Variants in FERMT2 observed in about 807,000 individuals in gnomAD.
The protein encoded by FERMT2 is fermitin family homolog 2.
In FERMT2, 15 loss-of-function variants were observed where a neutral mutation model predicts 82.7. The ratio of observed to expected loss-of-function variants is 0.18; its 90% CI spans 0.12 to 0.28. The LOEUF is 0.28. Ranked by LOEUF, FERMT2 falls within the 10% of genes least tolerant of loss-of-function variation. FERMT2 has a pLI of 1.00. For missense variants in FERMT2, 645 were observed against 809.4 expected (o/e 0.80, Z 2.46); for synonymous variants, 274 against 271.5 (o/e 1.01, Z -0.09).
chr14:52,875,349 G>C lies in FERMT2; in HGVS notation c.972C>G (p.Ile324Met), dbSNP rs745369873. The C allele has an allele frequency of 6.3e-7, 1 of 1,593,660 alleles. No individual in the cohort carries two copies. Among genetic ancestry groups the C allele is most frequent in the South Asian group, 1.1e-5 (1 of 88,058 alleles). ...CTGATGTCATGATTGACAGCTTATT[G>C]ATATGATACTGAAACCAGAATTATT... Reference protein sequence around the residue: ...MMMFAALQYHINKLSIMTSEN... With the variant: ...MMMFAALQYHMNKLSIMTSEN... Residue 324 changes from isoleucine to methionine, a missense_variant, in exon 8 of 15, where the codon ATC becomes ATG. Transcript: ENST00000341590.
chr14:52,898,556 A>T (rs1887434555), intron 3 of FERMT2, among the ~76,000 whole-genome samples: 1 of 152,220 alleles, frequency 6.6e-6, no homozygotes, highest in Admixed American at 6.5e-5. Flanking sequence ...GTAAGATTTA[A>T]CATGTGAAGA....
Position 52,893,357 on chromosome 14 carries a change from CTTCT to C in FERMT2, c.458_461del (p.Lys153SerfsTer2). 6.2e-7 allele frequency: 1 copy of C among 1,612,720 alleles called. No homozygotes were observed. The highest frequency in any genetic ancestry group is 8.5e-7 in the Non-Finnish European group (1 of 1,179,182). ...CCTCATCTTCAGACTGGTCATCTAG[CTTCT>C]TCTTTTTTTTCTTTGTTGGATCTCT... is the stretch of plus-strand genomic sequence containing the variant. On this transcript the variant is annotated frameshift_variant, in exon 4 of 15. Coordinates refer to ENST00000341590, the MANE Select transcript of FERMT2 (RefSeq NM_006832.3). LOFTEE classifies it high-confidence loss of function.
chr14:52,931,466 G>A (rs943261949), intron 2 of FERMT2, among the ~76,000 whole-genome samples: 1 of 152,122 alleles, frequency 6.6e-6, no homozygotes, highest in African/African-American at 2.4e-5. Context: ...GAGTCTGGCA[G>A]AAAATTTACC....
intron 2 of FERMT2, among the ~76,000 whole-genome samples, chr14:52,933,745 GA>G (rs1456003662): frequency 2.2e-5 from 2 of 90,888 alleles, no homozygotes; most frequent in East Asian, 3.1e-4. Context: ...AAAGGGAAAA[GA>G]AAAAAACCCC....
chr14:52,918,080 G>C (rs1888717866), intron 3 of FERMT2, among the ~76,000 whole-genome samples: 2 of 152,222 alleles, frequency 1.3e-5, no homozygotes, highest in Non-Finnish European at 2.9e-5. Context: ...TGCTCTAAGA[G>C]TGAAGCAACC....
intron 3 of FERMT2, among the ~76,000 whole-genome samples, chr14:52,900,490 C>T (rs1364492550): frequency 6.7e-6 from 1 of 150,088 alleles, no homozygotes; most frequent in South Asian, 2.1e-4. Flanking sequence ...TATTTTCACT[C>T]CTTTCAAAAT....
At chr14:52,880,917 T>C (rs1202862604) in intron 6 of FERMT2, 119 bp downstream of exon 6, 1 of 602,416 alleles carries the variant, frequency 1.7e-6, no homozygotes, top group African/African-American at 1.9e-5. Context: ...TTTTAATAAT[T>C]ATTCAAGATT....
chr14:52,906,958 G>A (rs545012088), intron 3 of FERMT2, among the ~76,000 whole-genome samples: 5 of 130,450 alleles, frequency 3.8e-5, no homozygotes, highest in Non-Finnish European at 8.2e-5. Flanking sequence ...GGGGGGGGGG[G>A]GGAATTTAGA....
chr14:52,915,660 A>T (rs1888575740), intron 3 of FERMT2, among the ~76,000 whole-genome samples: 1 of 152,262 alleles, frequency 6.6e-6, no homozygotes, highest in Admixed American at 6.5e-5. Context: ...ACAAAACTCT[A>T]AGAGTACTAG....
intron 7 of FERMT2, among the ~76,000 whole-genome samples, chr14:52,877,192 G>A (rs1886011231): frequency 6.6e-6 from 1 of 152,106 alleles, no homozygotes; most frequent in South Asian, 2.1e-4. Context: ...CCATAAACAT[G>A]TACTATTTTT....
chr14:52,883,023 C>A (rs1362842252), intron 4 of FERMT2, among the ~76,000 whole-genome samples: 2 of 152,018 alleles, frequency 1.3e-5, no homozygotes, highest in Non-Finnish European at 2.9e-5. Context: ...CATGGAGAAA[C>A]CCTGTCTCTA....
intron 3 of FERMT2, among the ~76,000 whole-genome samples, chr14:52,910,953 T>C (rs569223689): frequency 6.6e-6 from 1 of 152,306 alleles, no homozygotes; most frequent in Admixed American, 6.5e-5. Flanking sequence ...ATTTAATAAC[T>C]TGGGTTGAAA....
At chr14:52,944,552 T>A (rs936255145) in intron 2 of FERMT2, among the ~76,000 whole-genome samples, 1 of 152,226 alleles carries the variant, frequency 6.6e-6, no homozygotes, top group African/African-American at 2.4e-5. Context: ...AAGTATTTTT[T>A]TGTGTAACGA....
intron 3 of FERMT2, among the ~76,000 whole-genome samples, chr14:52,916,725 A>G (rs1420891663): frequency 6.6e-6 from 1 of 152,244 alleles, no homozygotes; most frequent in Non-Finnish European, 1.5e-5. Flanking sequence ...CACCAGTTAC[A>G]ATAAATGTAC....
At chr14:52,909,945 C>T (rs890320527) in intron 3 of FERMT2, among the ~76,000 whole-genome samples, 7 of 151,928 alleles carry the variant, frequency 4.6e-5, no homozygotes, top group Admixed American at 1.3e-4. Flanking sequence ...CCCAGCTACT[C>T]GGGAGGCTGA....
intron 3 of FERMT2, among the ~76,000 whole-genome samples, chr14:52,893,680 T>G (rs2139548536): frequency 6.6e-6 from 1 of 152,290 alleles, no homozygotes; most frequent in South Asian, 2.1e-4. Flanking sequence ...AAGAAAATAT[T>G]AGAAGCCCTT....
chr14:52,901,917 G>T (rs1162975038), intron 3 of FERMT2, among the ~76,000 whole-genome samples: 1 of 152,200 alleles, frequency 6.6e-6, no homozygotes, highest in Non-Finnish European at 1.5e-5. Flanking sequence ...ATGGTAATTT[G>T]TTATGGCAGC....
At chr14:52,927,362 A>AC (rs1288436526) in intron 2 of FERMT2, among the ~76,000 whole-genome samples, 1 of 152,144 alleles carries the variant, frequency 6.6e-6, no homozygotes, top group African/African-American at 2.4e-5. Context: ...GCTTACACTT[A>AC]GAAAATATGA....
chr14:52,871,937 T>C (rs1376554663), intron 10 of FERMT2: 1 of 152,424 alleles, frequency 6.6e-6, no homozygotes, highest in Non-Finnish European at 1.5e-5. Flanking sequence ...AAAGCCAGGA[T>C]GAGAGCAAAG....
Sources: allele counts gnomAD v4.1 joint callset (sites outside exome capture counted in the v4.1 genomes callset), GRCh38; gene constraint gnomAD v4.1.1; transcripts MANE v1.5; gene names NCBI Gene and HGNC (gene_info 2026-07-23, HGNC 2026-07-21).